Variants in PROSER1 observed in about 807,000 individuals in gnomAD.
PROSER1 encodes proline and serine rich 1.
In PROSER1, 36 loss-of-function variants were observed where a neutral mutation model predicts 71.8. The observed-to-expected ratio is 0.50, with a 90% CI of 0.38 to 0.66. The LOEUF (loss-of-function observed/expected upper bound fraction) is 0.66. Ranked by LOEUF, PROSER1 falls within the 30% of genes least tolerant of loss-of-function variation. The probability of loss-of-function intolerance (pLI) is 0.00; values close to 1 mark genes in which losing one functional copy is unlikely to be tolerated. For synonymous variants in PROSER1, 490 were observed against 452.4 expected (o/e 1.08, Z -1.06); for missense variants, 1,107 against 1,135.0 (o/e 0.98, Z 0.35).
chr13:39,038,080 C>A lies in PROSER1; in HGVS notation c.-838G>T, dbSNP rs1871249511. ...CAACACTGCGCCGCCAGCTTGGGCC[C>A]CTCTTTCCTGAAAGCCAGAGGTGGG... On this transcript the variant is annotated 5_prime_UTR_variant, in exon 1 of 13. Coordinates refer to ENST00000352251, the MANE Select transcript of PROSER1 (RefSeq NM_025138.5). 1 of 153,952 alleles carries A rather than the reference C, an allele frequency of 6.5e-6. No homozygotes were observed. The highest frequency in any genetic ancestry group is 6.4e-5 in the Admixed American group (1 of 15,522). 9.5% of individuals were successfully genotyped at this position (153,952 alleles called of 1,614,324 possible).
chr13:39,025,156 G>A (rs557385112), intron 6 of PROSER1, among the ~76,000 whole-genome samples: 1 of 152,224 alleles, frequency 6.6e-6, no homozygotes, highest in East Asian at 1.9e-4. Flanking sequence ...TGTTACAGTT[G>A]AAAGTAGATA....
chr13:39,020,227 G>C (rs1203690729), intron 9 of PROSER1, among the ~76,000 whole-genome samples: 1 of 152,050 alleles, frequency 6.6e-6, no homozygotes, highest in Non-Finnish European at 1.5e-5. Context: ...GTATCTTCTT[G>C]AAAGGAATAA....
Position 39,011,136 on chromosome 13 carries a change from C to A in PROSER1, c.*229G>T. On this transcript the variant is annotated 3_prime_UTR_variant, in exon 13 of 13. Transcript: ENST00000352251. ...ATAGGACAGGTGAAAAGTCTCCAAA[C>A]ACTTTTTAAATACCATTCTCCATAC... 2.1e-6 allele frequency: 1 copy of A among 472,496 alleles called. No individual in the cohort carries two copies. Among genetic ancestry groups the A allele is most frequent in the Non-Finnish European group, 3.8e-6 (1 of 263,162 alleles). 29.3% of individuals were successfully genotyped at this position (472,496 alleles called of 1,614,324 possible).
rs1869777348 is a variant in PROSER1 at position 39,013,225 on chromosome 13, A to G, written c.2027T>C (p.Leu676Pro). The change falls in exon 11 of 13, where the codon CTT (leucine) becomes CCT (proline). Residue 676 changes from leucine (L) to proline (P), a missense_variant. By Grantham distance (98) the Leu-to-Pro change is moderately conservative. Coordinates refer to ENST00000352251, the MANE Select transcript of PROSER1 (RefSeq NM_025138.5). ...ATGTGGTGGAAGGGAAATAGAGGAA[A>G]GAGGATTTGAACCATTTAAAGGAGT... is the stretch of plus-strand genomic sequence containing the variant. ...LSTPLNGSNP[L>P]SSISLPPHGS... 1 of 1,614,020 alleles carries G rather than the reference A, an allele frequency of 6.2e-7. No homozygotes were observed. The highest frequency in any genetic ancestry group is 1.3e-5 in the African/African-American group (1 of 74,918).
chr13:39,012,861 T>C lies in PROSER1; in HGVS notation c.2391A>G (p.Pro797=). The C allele has an allele frequency of 1.2e-6, 2 of 1,614,038 alleles. No homozygotes were observed. Among genetic ancestry groups the C allele is most frequent in the Non-Finnish European group, 1.7e-6 (2 of 1,179,990 alleles). ...ATGAGGGAAGAGCAGGGGTAACGCTTGGGGTATTAGAGACAGAAAAGCCTG... is the reference window on the plus strand; with the variant it reads ...ATGAGGGAAGAGCAGGGGTAACGCTCGGGGTATTAGAGACAGAAAAGCCTG... ...SYPGFSVSNT[P]SVTPALPSFP... Residue 797 remains proline, a synonymous_variant, in exon 11 of 13, where the codon CCA becomes CCG. Coordinates refer to ENST00000352251, the MANE Select transcript of PROSER1 (RefSeq NM_025138.5).
rs183918563 is a variant in PROSER1 at position 39,021,538 on chromosome 13, C to A, written c.730+788G>T. Among the ~76,000 whole-genome samples, 798 of 152,216 alleles carry A rather than the reference C, an allele frequency of 5.2e-3. 3 individuals are homozygous for A. Among genetic ancestry groups the A allele is most frequent in the Middle Eastern group, 0.031 (9 of 294 alleles). ...CATTAAAAAAAATAAAAATACCAGG[C>A]ACCCCCTATCACAATACACTGAATA... On this transcript the variant is annotated intron_variant, in intron 9 of 12. Coordinates refer to ENST00000352251, the MANE Select transcript of PROSER1 (RefSeq NM_025138.5).
Position 39,024,530 on chromosome 13 carries a change from T to C in PROSER1, c.507A>G (p.Glu169=), listed in dbSNP as rs1870451794. 6.2e-7 allele frequency: 1 copy of C among 1,606,380 alleles called. No homozygotes were observed. Among genetic ancestry groups the C allele is most frequent in the African/African-American group, 1.3e-5 (1 of 74,292 alleles). The stretch of plus-strand genomic sequence containing the variant: ...TTCCTTTGCCTTCGTTAGTACATTC[T>C]TCACCATCTTTTTTCAAAGGAGTTC... ...FPGTPLKKDG[E]ECTNEGKGIA... The change falls in exon 7 of 13, where the codon GAA becomes GAG. Residue 169 remains glutamate, a synonymous_variant. Coordinates refer to ENST00000352251, the MANE Select transcript of PROSER1 (RefSeq NM_025138.5).
chr13:39,021,586 A>T (rs1038720173), intron 9 of PROSER1, among the ~76,000 whole-genome samples: 1 of 152,146 alleles, frequency 6.6e-6, no homozygotes, highest in African/African-American at 2.4e-5. Context: ...GTGGGGAACT[A>T]AAGGTATTTT....
In PROSER1 at chr13:39,013,254, C is replaced by G. The variant is rs1354554971; in HGVS notation, c.1998G>C (p.Leu666Phe). Reference sequence around the variant, plus strand: ...GATTTGAACCATTTAAAGGAGTACTCAAGCTGGAGAGACCTGACAATGCAG... The same window carrying G: ...GATTTGAACCATTTAAAGGAGTACTGAAGCTGGAGAGACCTGACAATGCAG... ...LNPALSGLSS[L>F]STPLNGSNPL... Residue 666 changes from leucine (L) to phenylalanine (F), a missense_variant, in exon 11 of 13, where the codon TTG (leucine) becomes TTC (phenylalanine). Coordinates refer to ENST00000352251, the MANE Select transcript of PROSER1 (RefSeq NM_025138.5). 1 of 1,614,040 alleles carries G rather than the reference C, an allele frequency of 6.2e-7. No individual in the cohort carries two copies.
rs369340510 is a variant in PROSER1, at chr13:39,013,148, A to T, written c.2104T>A (p.Ser702Thr). ...GTTAAAGGAAAATTGTTGGTCAAAG[A>T]AGTAAAAGAAGGAAGAGCAGTGAAT... ...PVFTALPSFT[S>T]LTNNFPLTGN... is the part of the protein sequence containing the mutation. Residue 702 changes from serine (S) to threonine (T), a missense_variant, in exon 11 of 13, where the codon TCT becomes ACT. Ser to Thr is a moderately conservative substitution (Grantham distance 58, BLOSUM62 1). Coordinates refer to ENST00000352251, the MANE Select transcript of PROSER1 (RefSeq NM_025138.5). 2.2e-4 allele frequency: 356 copies of T among 1,613,984 alleles called. No homozygotes were observed. Among genetic ancestry groups the T allele is most frequent in the Non-Finnish European group, 2.8e-4 (331 of 1,180,024 alleles).
rs1869594348 is a variant in PROSER1, at chr13:39,010,567, C to T, written c.*798G>A. On this transcript the variant is annotated 3_prime_UTR_variant, in exon 13 of 13. Coordinates refer to ENST00000352251, the MANE Select transcript of PROSER1 (RefSeq NM_025138.5). ...AAATACTACATCCCATAATTGTAAACATTCACCAGGAGCTTCCATAGTACA... is the reference window on the plus strand; with the variant it reads ...AAATACTACATCCCATAATTGTAAATATTCACCAGGAGCTTCCATAGTACA... The T allele has an allele frequency of 6.6e-6, 1 of 152,630 alleles. No individual in the cohort carries two copies. Among genetic ancestry groups the T allele is most frequent in the African/African-American group, 2.4e-5 (1 of 41,456 alleles). 9.5% of individuals were successfully genotyped at this position (152,630 alleles called of 1,614,324 possible).
In PROSER1 at chr13:39,013,723, G is replaced by A. The variant is rs747387035; in HGVS notation, c.1529C>T (p.Ser510Phe). The A allele has an allele frequency of 2.5e-6, 4 of 1,614,092 alleles. No homozygotes were observed. The highest frequency in any genetic ancestry group is 2.2e-5 in the South Asian group (2 of 91,090). The change falls in exon 11 of 13, where the codon TCT (serine) becomes TTT (phenylalanine). Residue 510 changes from serine to phenylalanine, a missense_variant. Coordinates refer to ENST00000352251, the MANE Select transcript of PROSER1 (RefSeq NM_025138.5). ...LSSLTLQNSDSSASAPNKCYA... is the reference protein window; with the variant it reads ...LSSLTLQNSDFSASAPNKCYA... ...GCACTTGTTAGGGGCTGAAGCAGAA[G>A]AGTCAGAGTTCTGAAGAGTAAGAGA...
intron 7 of PROSER1, 87 bp from the exon 8 acceptor site, chr13:39,023,217 A>ATATGC: frequency 1.0e-6 from 1 of 981,414 alleles, no homozygotes; most frequent in Non-Finnish European, 1.6e-6. Context: ...TTTAGTCCTA[A>ATATGC]TATGCTAAAA....
At chr13:39,035,168 T>C (rs1462212056) in intron 1 of PROSER1, among the ~76,000 whole-genome samples, 1 of 152,242 alleles carries the variant, frequency 6.6e-6, no homozygotes, top group Non-Finnish European at 1.5e-5. Context: ...AGTAGTTCAA[T>C]ATTCACTGAA....
chr13:39,026,905 G>A (rs1870572662), intron 5 of PROSER1, among the ~76,000 whole-genome samples: 1 of 152,156 alleles, frequency 6.6e-6, no homozygotes, highest in Non-Finnish European at 1.5e-5. Context: ...ACATATTTAT[G>A]AGAAATAGTG....
intron 5 of PROSER1, among the ~76,000 whole-genome samples, chr13:39,026,623 A>AT (rs1174386156): frequency 6.6e-6 from 1 of 152,222 alleles, no homozygotes; most frequent in Non-Finnish European, 1.5e-5. Flanking sequence ...CATACAAAGA[A>AT]TGTCTTCACA....
chr13:39,016,624 C>T (rs1230274432), intron 10 of PROSER1, among the ~76,000 whole-genome samples: 2 of 152,124 alleles, frequency 1.3e-5, no homozygotes, highest in South Asian at 2.1e-4. Context: ...TAAAGATGAA[C>T]ATAAAAGCTG....
intron 1 of PROSER1, among the ~76,000 whole-genome samples, chr13:39,034,776 C>T (rs1224479432): frequency 6.6e-6 from 1 of 152,204 alleles, no homozygotes; most frequent in Admixed American, 6.5e-5. Context: ...TGAGCGTCCT[C>T]ATTCATAGAG....
chr13:39,013,481 C>T lies in PROSER1; in HGVS notation c.1771G>A (p.Asp591Asn). 1 of 1,613,976 alleles carries T rather than the reference C, an allele frequency of 6.2e-7. No individual in the cohort carries two copies. Among genetic ancestry groups the T allele is most frequent in the Non-Finnish European group, 8.5e-7 (1 of 1,179,992 alleles). Residue 591 changes from aspartate to asparagine, a missense_variant, in exon 11 of 13, where the codon GAT becomes AAT. Transcript: ENST00000352251. ...LLRGPHPGTS[D>N]LHISSTPAAT... ...GCAGGGGTAGATGAAATATGCAGAT[C>T]TGAGGTACCTGGGTGGGGGCCACGC...
Sources: allele counts gnomAD v4.1 joint callset (sites outside exome capture counted in the v4.1 genomes callset), GRCh38; gene constraint gnomAD v4.1.1; transcripts MANE v1.5; gene names NCBI Gene and HGNC (gene_info 2026-07-23, HGNC 2026-07-21).